Variants in GRID2 observed in about 807,000 individuals in gnomAD.
The protein encoded by GRID2 is glutamate ionotropic receptor delta type subunit 2.
In GRID2, 33 loss-of-function variants were observed where a neutral mutation model predicts 114.8. The observed-to-expected ratio is 0.29, with a 90% CI of 0.22 to 0.38. The LOEUF is 0.38. Ranked by LOEUF, GRID2 falls within the 10% of genes least tolerant of loss-of-function variation. GRID2 has a pLI of 1.00. For missense variants in GRID2, 1,184 were observed against 1,257.7 expected, an observed-to-expected ratio of 0.94 and a Z score of 0.89; for synonymous variants, 505 against 449.9, an observed-to-expected ratio of 1.12 and a Z score of -1.55.
chr4:93,026,389 A>T (rs1176925334), intron 2 of GRID2, among the ~76,000 whole-genome samples: 1 of 151,934 alleles, frequency 6.6e-6, no homozygotes, highest in Non-Finnish European at 1.5e-5. Context: ...GAAGATAAAC[A>T]TATTTCTCAT....
chr4:92,462,361 G>A (rs1721539961), intron 1 of GRID2, among the ~76,000 whole-genome samples: 1 of 152,020 alleles, frequency 6.6e-6, no homozygotes, highest in African/African-American at 2.4e-5. Context: ...TAAGTAAATA[G>A]TAGGAGAGAA....
intron 2 of GRID2, among the ~76,000 whole-genome samples, chr4:92,677,987 A>C (rs901896161): frequency 5.9e-5 from 9 of 152,098 alleles, no homozygotes; most frequent in African/African-American, 2.2e-4. Context: ...CACCCATGCC[A>C]CATTGACCTC....
At chr4:93,370,847 C>A (rs1762819867) in intron 8 of GRID2, among the ~76,000 whole-genome samples, 1 of 152,124 alleles carries the variant, frequency 6.6e-6, no homozygotes, top group Non-Finnish European at 1.5e-5. Context: ...ATCTTTACAT[C>A]TCCTAGTTGT....
chr4:92,879,491 C>T lies in GRID2; in HGVS notation c.245-205504C>T, dbSNP rs531964805. On this transcript the variant is annotated intron_variant, in intron 2 of 15. Coordinates refer to ENST00000282020, the MANE Select transcript of GRID2 (RefSeq NM_001510.4). ...CCAGGTGGACTAGTAGCAGTGTATA[C>T]CCATACAGCTGACTTCAGAGAATTT... 4.9e-3 allele frequency among the ~76,000 whole-genome samples: 741 copies of T among 152,286 alleles called. 4 individuals are homozygous for T. Among genetic ancestry groups the T allele is most frequent in the Non-Finnish European group, 9.0e-3 (612 of 67,990 alleles).
At chr4:93,244,567 T>A (rs865953462) in intron 8 of GRID2, among the ~76,000 whole-genome samples, 63 of 39,414 alleles carry the variant, frequency 1.6e-3, no homozygotes, top group Admixed American at 2.7e-3. Flanking sequence ...TAATCTATTA[T>A]ATATTAATTA....
intron 8 of GRID2, among the ~76,000 whole-genome samples, chr4:93,278,588 G>T (rs1752321041): frequency 6.6e-6 from 1 of 151,888 alleles, no homozygotes; most frequent in African/African-American, 2.4e-5. Flanking sequence ...TCAGGATGAA[G>T]GATGCAATTC....
chr4:92,472,240 A>C lies in GRID2; in HGVS notation c.89-117891A>C, dbSNP rs912196447. ...GAGCCACCGCGCCCGGCCGTTATCC[A>C]TATTTCTATGAATGTCAATAGTTCA... On this transcript the variant is annotated intron_variant, in intron 1 of 15. Transcript: ENST00000282020. 1.3e-5 allele frequency among the ~76,000 whole-genome samples: 2 copies of C among 151,888 alleles called. 1 individual carries two copies. The highest frequency in any genetic ancestry group is 2.9e-5 in the Non-Finnish European group (2 of 67,956).
intron 4 of GRID2, among the ~76,000 whole-genome samples, chr4:93,117,172 T>C (rs1733349307): frequency 6.6e-6 from 1 of 152,124 alleles, no homozygotes; most frequent in Non-Finnish European, 1.5e-5. Context: ...ATCATTTAGA[T>C]TGAGTAGATA....
chr4:92,951,333 T>TTTTATTTATTTATTTATTTA (rs529155664), intron 2 of GRID2, among the ~76,000 whole-genome samples: 6 of 150,496 alleles, frequency 4.0e-5, no homozygotes, highest in African/African-American at 1.5e-4. Flanking sequence ...TCGCAAAATT[T>TTTTATTTATTTATTTATTTA]TTTATTTATT....
At chr4:92,574,332 C>T (rs1727779120) in intron 1 of GRID2, among the ~76,000 whole-genome samples, 2 of 150,746 alleles carry the variant, frequency 1.3e-5, no homozygotes, top group African/African-American at 4.9e-5. Context: ...TTGATCCTGT[C>T]ATCATGATGG....
rs551766498 is a variant in GRID2, at chr4:92,893,866, T to C, written c.245-191129T>C. Among the ~76,000 whole-genome samples, 9 of 152,272 alleles carry C rather than the reference T, an allele frequency of 5.9e-5. 1 individual carries two copies. The South Asian group carries it at 1.7e-3, about 28-fold the overall frequency. On this transcript the variant is annotated intron_variant, in intron 2 of 15. Coordinates refer to ENST00000282020, the MANE Select transcript of GRID2 (RefSeq NM_001510.4). ...AATGTAGAGTTGATGATGTGTTATT[T>C]TGGAATCTTAAATTTCCAAGTTCTG... is the stretch of plus-strand genomic sequence containing the variant.
At chr4:93,802,942 C>T (rs1057136413) in intron 1 of GRID2, among the ~76,000 whole-genome samples, 5 of 152,152 alleles carry the variant, frequency 3.3e-5, no homozygotes, top group African/African-American at 1.2e-4. Flanking sequence ...TGCAAAAGAT[C>T]GTAAGCGCAT....
At chr4:93,552,376 A>G (rs1209781706) in intron 13 of GRID2, among the ~76,000 whole-genome samples, 1 of 152,144 alleles carries the variant, frequency 6.6e-6, no homozygotes, top group Non-Finnish European at 1.5e-5. Flanking sequence ...ATGTTTTATA[A>G]TCCTTTGGGT....
intron 13 of GRID2, among the ~76,000 whole-genome samples, chr4:93,591,943 C>A: frequency 6.6e-6 from 1 of 151,872 alleles, no homozygotes; most frequent in South Asian, 2.1e-4. Context: ...TGATTCTTTT[C>A]TCTTTTTTTC....
At chr4:93,036,216 T>C (rs987159688) in intron 2 of GRID2, among the ~76,000 whole-genome samples, 2 of 152,128 alleles carry the variant, frequency 1.3e-5, no homozygotes, top group Non-Finnish European at 2.9e-5. Context: ...AGTGTATACA[T>C]GGTGCACTGA....
chr4:93,294,900 G>C (rs1270660967), intron 8 of GRID2, among the ~76,000 whole-genome samples: 1 of 151,620 alleles, frequency 6.6e-6, no homozygotes, highest in Non-Finnish European at 1.5e-5. Context: ...CCCTGTTTGT[G>C]ATAACTTTCA....
rs1336625879 is a variant in GRID2, at chr4:92,549,418, ATTC to A, written c.89-40709_89-40707del. ...TCTAGGAAGTGATCTCATTTTTGTC[ATTC>A]TTCACTCATTGGATGAGTCCTCATT... On this transcript the variant is annotated intron_variant, in intron 1 of 15. Coordinates refer to ENST00000282020, the MANE Select transcript of GRID2 (RefSeq NM_001510.4). Among the ~76,000 whole-genome samples, 16 of 152,094 alleles carry A rather than the reference ATTC, an allele frequency of 1.1e-4. No individual in the cohort carries two copies. In the East Asian group the frequency reaches 3.1e-3, roughly 29 times the overall value.
At chr4:93,741,168 T>TATATATATATATATATATATAG (rs1731341916) in intron 14 of GRID2, among the ~76,000 whole-genome samples, 1 of 28,514 alleles carries the variant, frequency 3.5e-5, no homozygotes, top group African/African-American at 2.2e-4. Flanking sequence ...ACTATATATA[T>TATATATATATATATATATATAG]ATATACATAT....
At chr4:93,794,615 C>T (rs1335052413) in intron 1 of GRID2, among the ~76,000 whole-genome samples, 1 of 152,218 alleles carries the variant, frequency 6.6e-6, no homozygotes, top group Non-Finnish European at 1.5e-5. Context: ...TTTCTCAAAT[C>T]TGATGCCTGC....
Sources: gnomAD v4.1 joint callset for allele counts (sites outside exome capture counted in the v4.1 genomes callset) on GRCh38, gnomAD v4.1.1 for gene constraint, MANE v1.5 for transcripts, NCBI Gene and HGNC (gene_info 2026-07-23, HGNC 2026-07-21) for gene names.